Variants in FAM193A observed in about 807,000 individuals in gnomAD.
FAM193A encodes the protein family with sequence similarity 193 member A, also known as protein FAM193A.
A neutral mutation model predicts 126.5 loss-of-function variants in FAM193A; 22 were observed. The ratio of observed to expected loss-of-function variants is 0.17; its 90% CI spans 0.12 to 0.25. The LOEUF (loss-of-function observed/expected upper bound fraction) is 0.25, where lower values mean the gene tolerates loss of function less well. Among genes scored for constraint, FAM193A ranks in the 10% least tolerant of loss-of-function variants. The pLI, the probability that FAM193A is intolerant of heterozygous loss-of-function variation, is 1.00. For synonymous variants in FAM193A, 761 were observed against 646.8 expected, an observed-to-expected ratio of 1.18 and a Z score of -2.68; for missense variants, 1,675 against 1,672.8, an observed-to-expected ratio of 1.00 and a Z score of -0.02.
chr4:2,698,250 A>G (rs1293865535), intron 18 of FAM193A, among the ~76,000 whole-genome samples: 1 of 152,164 alleles, frequency 6.6e-6, no homozygotes, highest in South Asian at 2.1e-4. Context: ...CTGCCTTTAC[A>G]TGCTTGTTAT....
chr4:2,675,787 A>G (rs550916329), intron 13 of FAM193A, among the ~76,000 whole-genome samples: 38 of 152,266 alleles, frequency 2.5e-4, no homozygotes, highest in African/African-American at 9.1e-4. Flanking sequence ...TTACCTGTTA[A>G]ACAATAACTC....
At chr4:2,669,480 G>T (rs138377926) in intron 12 of FAM193A, among the ~76,000 whole-genome samples, 39 of 152,252 alleles carry the variant, frequency 2.6e-4, no homozygotes, top group African/African-American at 7.9e-4. Flanking sequence ...GTGCTATCAT[G>T]TGCTTGTCAT....
chr4:2,553,386 T>TG (rs1358017677), intron 1 of FAM193A, among the ~76,000 whole-genome samples: 12 of 149,170 alleles, frequency 8.0e-5, no homozygotes, highest in African/African-American at 2.7e-4. Context: ...CTTTTTGTTT[T>TG]TTTTTTTTTT....
chr4:2,671,768 C>T (rs1432544242), intron 12 of FAM193A, among the ~76,000 whole-genome samples: 4 of 152,192 alleles, frequency 2.6e-5, no homozygotes, highest in Non-Finnish European at 4.4e-5. Context: ...AGTGTGAGCC[C>T]AGTGGAGCAC....
At chr4:2,716,154 A>C in intron 20 of FAM193A, 50 bp downstream of exon 20, 1 of 1,228,424 alleles carries the variant, frequency 8.1e-7, no homozygotes, top group Non-Finnish European at 1.2e-6. Flanking sequence ...TGCTTGCCAT[A>C]CATGTTTGGT....
intron 19 of FAM193A, among the ~76,000 whole-genome samples, chr4:2,702,062 A>T (rs1717796575): frequency 6.6e-6 from 1 of 152,022 alleles, no homozygotes; most frequent in Admixed American, 6.6e-5. Context: ...GTGAGCTGCC[A>T]CCCCTGGCCC....
chr4:2,696,608 T>C lies in FAM193A; in HGVS notation c.3507+15T>C. On this transcript the variant is annotated intron_variant, in intron 18 of 20. Coordinates refer to ENST00000637812, the MANE Select transcript of FAM193A (RefSeq NM_001366318.2). The stretch of plus-strand genomic sequence containing the variant: ...AGCAAAGGAAGGCAAGTGACAGTTC[T>C]CAGCACCTGGAGGCGCCAGGTCTGA... 1 of 1,605,622 alleles carries C rather than the reference T, an allele frequency of 6.2e-7. No homozygotes were observed. Among genetic ancestry groups the C allele is most frequent in the Non-Finnish European group, 8.5e-7 (1 of 1,172,508 alleles).
intron 13 of FAM193A, among the ~76,000 whole-genome samples, chr4:2,683,944 G>T (rs958442066): frequency 6.6e-6 from 1 of 152,150 alleles, no homozygotes; most frequent in Non-Finnish European, 1.5e-5. Flanking sequence ...TTCCTTGGCC[G>T]TGTCGTCTCC....
At chr4:2,644,234 T>G (rs1480787772) in intron 6 of FAM193A, among the ~76,000 whole-genome samples, 1 of 152,190 alleles carries the variant, frequency 6.6e-6, no homozygotes, top group Non-Finnish European at 1.5e-5. Context: ...CCACCCACTT[T>G]GCTCTCCCTT....
chr4:2,693,748 C>T lies in FAM193A; in HGVS notation c.2966C>T (p.Ala989Val). 2 of 1,614,204 alleles carry T rather than the reference C, an allele frequency of 1.2e-6. No homozygotes were observed. Among genetic ancestry groups the T allele is most frequent in the African/African-American group, 1.3e-5 (1 of 75,054 alleles). The change falls in exon 16 of 21, where the codon GCA becomes GTA. Residue 989 changes from alanine to valine, a missense_variant. Ala to Val is a moderately conservative substitution (Grantham distance 64). Around this residue, in one of 4 missense-constraint regions of FAM193A, gnomAD observed 1,186 missense variants for 1,109.2 expected, o/e 1.07. Coordinates refer to ENST00000637812, the MANE Select transcript of FAM193A (RefSeq NM_001366318.2). ...PASTPHLANL[A>V]APSFPKTATT... ...TCCACACCTCACCTTGCAAATCTTG[C>T]AGCCCCATCATTCCCCAAAACAGCA...
chr4:2,567,219 A>G (rs1298676662), intron 1 of FAM193A, among the ~76,000 whole-genome samples: 2 of 151,578 alleles, frequency 1.3e-5, no homozygotes, highest in African/African-American at 2.4e-5. Context: ...AAGTGCTGGG[A>G]TTACAGGCGT....
intron 1 of FAM193A, among the ~76,000 whole-genome samples, chr4:2,591,569 G>A (rs992111021): frequency 3.3e-5 from 5 of 152,126 alleles, no homozygotes; most frequent in African/African-American, 1.2e-4. Context: ...TCTAATCTGG[G>A]TTGTGCTGCT....
rs143284568 is a variant in FAM193A at position 2,667,796 on chromosome 4, G to T, written c.2080-4325G>T. On this transcript the variant is annotated intron_variant, in intron 12 of 20. Transcript: ENST00000637812. ...TTTAGTGTACTATTTTAATTCTTCT[G>T]TTGATTCTTTTTTTAATTTTCTTAG... Among the ~76,000 whole-genome samples, 575 of 151,914 alleles carry T rather than the reference G, an allele frequency of 3.8e-3. 4 individuals carry two copies. The highest frequency in any genetic ancestry group is 0.013 in the African/African-American group (557 of 41,454).
intron 7 of FAM193A, among the ~76,000 whole-genome samples, chr4:2,647,809 C>G (rs1435613669): frequency 1.3e-5 from 2 of 152,208 alleles, no homozygotes; most frequent in Non-Finnish European, 2.9e-5. Context: ...CTGAGTTTCT[C>G]TTTTGCACTT....
At chr4:2,731,635 CTG>C (rs1721406181) in intron 20 of FAM193A, 138 bp from the exon 21 acceptor site, 1 of 660,300 alleles carries the variant, frequency 1.5e-6, no homozygotes, top group Non-Finnish European at 2.7e-6. Context: ...ACCCTTGACA[CTG>C]TGCCCCTCAC....
At chr4:2,609,950 G>C (rs1271574628) in intron 2 of FAM193A, among the ~76,000 whole-genome samples, 1 of 148,116 alleles carries the variant, frequency 6.8e-6, no homozygotes, top group African/African-American at 2.5e-5. Context: ...AGAGTTTGCT[G>C]GCTGGGCGCA....
At chr4:2,548,437 C>T (rs1737703767) in intron 1 of FAM193A, among the ~76,000 whole-genome samples, 1 of 151,794 alleles carries the variant, frequency 6.6e-6, no homozygotes, top group Non-Finnish European at 1.5e-5. Flanking sequence ...ATATAATTTG[C>T]CAACATTTTC....
chr4:2,629,019 A>AT (rs1379531909), intron 4 of FAM193A, among the ~76,000 whole-genome samples: 2 of 152,132 alleles, frequency 1.3e-5, no homozygotes, highest in East Asian at 1.9e-4. Context: ...TGCCCGGCTA[A>AT]TTTTTTGTAT....
intron 1 of FAM193A, among the ~76,000 whole-genome samples, chr4:2,564,740 G>T (rs1371552492): frequency 2.0e-5 from 3 of 152,088 alleles, no homozygotes; most frequent in Non-Finnish European, 4.4e-5. Context: ...AAGAGTAAAT[G>T]GTTAGAATAA....
Sources: gnomAD v4.1 joint callset for allele counts (sites outside exome capture counted in the v4.1 genomes callset) on GRCh38, gnomAD v4.1.1 for gene constraint, gnomAD v4.1.1 regional missense constraint, MANE v1.5 for transcripts, NCBI Gene and HGNC (gene_info 2026-07-23, HGNC 2026-07-21) for gene names.